The following NFYC variants were observed in gnomAD, a reference collection of about 807,000 sequenced individuals.
NFYC encodes the protein nuclear transcription factor Y subunit gamma.
In NFYC, 25 loss-of-function variants were observed where a neutral mutation model predicts 53.1. The observed-to-expected ratio is 0.47, with a 90% CI of 0.34 to 0.66. NFYC has a LOEUF of 0.66. Ranked by LOEUF, NFYC falls within the 30% of genes least tolerant of loss-of-function variation. The probability of loss-of-function intolerance (pLI) is 0.01; values close to 1 mark genes in which losing one functional copy is unlikely to be tolerated. For synonymous variants in NFYC, 145 were observed against 152.6 expected (o/e 0.95, Z 0.37); for missense variants, 260 against 422.7 (o/e 0.62, Z 3.38).
chr1:40,740,954 A>G (rs1328458532), intron 2 of NFYC, among the ~76,000 whole-genome samples: 2 of 151,916 alleles, frequency 1.3e-5, no homozygotes, highest in Non-Finnish European at 2.9e-5. Context: ...TAGTAAAAAA[A>G]CACATAAAAT....
chr1:40,769,029 A>G, intron 8 of NFYC: 1 of 261,470 alleles, frequency 3.8e-6, no homozygotes, highest in Non-Finnish European at 7.6e-6. Context: ...CCCAAACCAT[A>G]GCACCTAGGG....
At chr1:40,713,378 C>T (rs573308599) in intron 1 of NFYC, among the ~76,000 whole-genome samples, 2 of 152,296 alleles carry the variant, frequency 1.3e-5, no homozygotes, top group Admixed American at 6.5e-5. Context: ...AATTCCAGTT[C>T]CAGGGATGTG....
chr1:40,741,979 C>G (rs1025401663), intron 2 of NFYC, among the ~76,000 whole-genome samples: 1 of 152,120 alleles, frequency 6.6e-6, no homozygotes, highest in South Asian at 2.1e-4. Context: ...TTATAGCTCA[C>G]TGTAGCCTTG....
Position 40,757,918 on chromosome 1 carries a change from G to A in NFYC, c.388-203G>A, listed in dbSNP as rs1646319269. On this transcript the variant is annotated intron_variant, in intron 5 of 9. Coordinates refer to ENST00000447388, the MANE Select transcript of NFYC (RefSeq NM_014223.5). ...TTCAGAAATTGGCTGTATGTTTTGT[G>A]AAGCCTATAGGATCTGTTATTTTTA... 9 of 604,650 alleles carry A rather than the reference G, an allele frequency of 1.5e-5. No homozygotes were observed. In the East Asian group the frequency reaches 2.5e-4, roughly 17 times the overall value. 37.5% of individuals were successfully genotyped at this position (604,650 alleles called of 1,614,324 possible).
intron 3 of NFYC, among the ~76,000 whole-genome samples, chr1:40,748,061 C>T (rs1419611773): frequency 6.6e-5 from 10 of 151,992 alleles, no homozygotes. Flanking sequence ...GTCTTGAACT[C>T]CCGACCTCAG....
At chr1:40,756,404 A>G (rs573347042) in intron 5 of NFYC, among the ~76,000 whole-genome samples, 2 of 152,358 alleles carry the variant, frequency 1.3e-5, no homozygotes, top group Non-Finnish European at 2.9e-5. Context: ...AGCACAGACT[A>G]TATCAACCTA....
chr1:40,714,526 A>C (rs1382975298), intron 1 of NFYC, among the ~76,000 whole-genome samples: 1 of 152,246 alleles, frequency 6.6e-6, no homozygotes, highest in Non-Finnish European at 1.5e-5. Flanking sequence ...GTTATGTAAT[A>C]TTTAAGTCCT....
At chr1:40,731,011 G>T (rs539438588) in intron 1 of NFYC, among the ~76,000 whole-genome samples, 1 of 152,048 alleles carries the variant, frequency 6.6e-6, no homozygotes, top group South Asian at 2.1e-4. Flanking sequence ...CTTGCATCCC[G>T]AATATGTGCA....
intron 1 of NFYC, among the ~76,000 whole-genome samples, chr1:40,732,049 A>G (rs1293366161): frequency 2.6e-5 from 4 of 152,234 alleles, no homozygotes; most frequent in African/African-American, 4.8e-5. Context: ...TGGAAGCAGC[A>G]TTGGTCAAGA....
At position 40,717,537 on chromosome 1, in the gene NFYC, G is replaced by A. The variant is rs192683597; in HGVS notation, c.-8-21299G>A. Among the ~76,000 whole-genome samples, 7 of 152,202 alleles carry A rather than the reference G, an allele frequency of 4.6e-5. No individual in the cohort carries two copies. In the East Asian group the frequency reaches 1.4e-3, roughly 29 times the overall value. Reference sequence around the variant, plus strand: ...TTCTGACAAGTTCAACTAAATGAGGGCATCATTATCAGCTCATAGGTTAAA... The same window carrying A: ...TTCTGACAAGTTCAACTAAATGAGGACATCATTATCAGCTCATAGGTTAAA... On this transcript the variant is annotated intron_variant, in intron 1 of 9. Coordinates refer to ENST00000447388, the MANE Select transcript of NFYC (RefSeq NM_014223.5).
chr1:40,700,781 T>C (rs1643395385), intron 1 of NFYC, among the ~76,000 whole-genome samples: 1 of 152,198 alleles, frequency 6.6e-6, no homozygotes, highest in South Asian at 2.1e-4. Flanking sequence ...TTCTGAATTA[T>C]TTGCTTTGTT....
rs745487098 is a variant in NFYC at position 40,766,781 on chromosome 1, C to T, written c.828+78C>T. On this transcript the variant is annotated intron_variant, in intron 8 of 9. Coordinates refer to ENST00000447388, the MANE Select transcript of NFYC (RefSeq NM_014223.5). The stretch of plus-strand genomic sequence containing the variant: ...TCTGACAGGAAAGGAGCGCTCAGCA[C>T]ACAGCTGTCTTGCCACCTCATCCTT... 6 of 1,509,924 alleles carry T rather than the reference C, an allele frequency of 4.0e-6. No individual in the cohort carries two copies. In the South Asian group the frequency reaches 4.6e-5, roughly 11 times the overall value. 93.5% of individuals were successfully genotyped at this position (1,509,924 alleles called of 1,614,324 possible). A position where few individuals can be genotyped will look rare whatever the true frequency, so the allele number is the denominator to read the frequency against.
intron 1 of NFYC, among the ~76,000 whole-genome samples, chr1:40,733,989 C>T (rs1179110429): frequency 6.6e-6 from 1 of 152,112 alleles, no homozygotes; most frequent in African/African-American, 2.4e-5. Context: ...TCAAGTGATC[C>T]TCCACCTCAG....
At chr1:40,765,203 A>G (rs1646751728) in intron 7 of NFYC, among the ~76,000 whole-genome samples, 1 of 152,218 alleles carries the variant, frequency 6.6e-6, no homozygotes, top group African/African-American at 2.4e-5. Context: ...GCTTGGCACC[A>G]CAGCCTCCCA....
intron 1 of NFYC, among the ~76,000 whole-genome samples, chr1:40,712,240 T>C (rs1643951123): frequency 6.6e-6 from 1 of 152,234 alleles, no homozygotes; most frequent in Non-Finnish European, 1.5e-5. Flanking sequence ...TTCCTATTTA[T>C]GCTGACATGA....
chr1:40,735,549 G>A lies in NFYC; in HGVS notation c.-8-3287G>A. On this transcript the variant is annotated intron_variant, in intron 1 of 9. Coordinates refer to ENST00000447388, the MANE Select transcript of NFYC (RefSeq NM_014223.5). ...ATTGTGTACCTTTGTAATGTTTTGG[G>A]GGGATATCAGAGGACAGCCAGAATT... The A allele has an allele frequency of 5.2e-6, 5 of 969,154 alleles. No homozygotes were observed. In the South Asian group the frequency reaches 2.4e-4, roughly 47 times the overall value. 60.0% of individuals were successfully genotyped at this position (969,154 alleles called of 1,614,324 possible).
rs1309873768 is a variant in NFYC, at chr1:40,771,438, G to A, written c.*610G>A. 1.7e-5 allele frequency: 8 copies of A among 470,690 alleles called. No individual in the cohort carries two copies. Among genetic ancestry groups the A allele is most frequent in the Middle Eastern group, 3.2e-4 (1 of 3,100 alleles). 29.2% of individuals were successfully genotyped at this position (470,690 alleles called of 1,614,324 possible). On this transcript the variant is annotated 3_prime_UTR_variant, in exon 10 of 10. Coordinates refer to ENST00000447388, the MANE Select transcript of NFYC (RefSeq NM_014223.5). ...ACAGATTTATTCCCTGTGGAGAGTG[G>A]GTGGATTCATTGCCACACTCTTTTC...
chr1:40,743,615 A>C (rs551807198), intron 2 of NFYC, among the ~76,000 whole-genome samples: 2 of 152,202 alleles, frequency 1.3e-5, no homozygotes, highest in Non-Finnish European at 2.9e-5. Context: ...TTCATTCCTC[A>C]GTGCCTCCTG....
intron 4 of NFYC, among the ~76,000 whole-genome samples, chr1:40,751,046 A>C (rs1570635773): frequency 6.6e-6 from 1 of 152,218 alleles, no homozygotes; most frequent in Non-Finnish European, 1.5e-5. Flanking sequence ...CTAGGTTTGT[A>C]CCCAAAAGAA....
Sources: gnomAD v4.1 joint callset for allele counts (sites outside exome capture counted in the v4.1 genomes callset) on GRCh38, gnomAD v4.1.1 for gene constraint, MANE v1.5 for transcripts, NCBI Gene and HGNC (gene_info 2026-07-23, HGNC 2026-07-21) for gene names.